PRDM16: variants seen among roughly 807,000 people sequenced by gnomAD.
PRDM16 encodes the protein PR/SET domain 16, also known as histone-lysine N-methyltransferase PRDM16.
In PRDM16, 23 loss-of-function variants were observed where a neutral mutation model predicts 110.6. The observed-to-expected ratio is 0.21, with a 90% CI of 0.15 to 0.29. The LOEUF is 0.29. PRDM16 is among the 10% of genes least tolerant of loss of function. PRDM16 has a pLI of 1.00. For missense variants in PRDM16, 1,615 were observed against 1,794.3 expected, an observed-to-expected ratio of 0.90 and a Z score of 1.81; for synonymous variants, 799 against 781.8, an observed-to-expected ratio of 1.02 and a Z score of -0.37.
At chr1:3,131,003 T>C (rs1384992053) in intron 1 of PRDM16, among the ~76,000 whole-genome samples, 1 of 152,072 alleles carries the variant, frequency 6.6e-6, no homozygotes, top group Admixed American at 6.6e-5. Context: ...GTGTTTATCC[T>C]GACGTGCAGA....
Position 3,431,150 on chromosome 1 carries a change from C to T in PRDM16, c.3521+42C>T, listed in dbSNP as rs528525319. On this transcript the variant is annotated intron_variant, in intron 15 of 16. Transcript: ENST00000270722. ...GCTCCAGGATGGGGCAGGGAGGGAA[C>T]GTGGGCGTCCATCACGAGGGGGACC... 57 of 1,535,344 alleles carry T rather than the reference C, an allele frequency of 3.7e-5. No individual in the cohort carries two copies. In the South Asian group the frequency reaches 4.6e-4, roughly 12 times the overall value.
chr1:3,234,164 C>T (rs1448276825), intron 2 of PRDM16, among the ~76,000 whole-genome samples: 1 of 152,176 alleles, frequency 6.6e-6, no homozygotes, highest in Admixed American at 6.5e-5. Context: ...GTGTTGATTT[C>T]GTCTTCAGGG....
At chr1:3,279,117 G>A (rs1277332263) in intron 3 of PRDM16, among the ~76,000 whole-genome samples, 2 of 152,250 alleles carry the variant, frequency 1.3e-5, no homozygotes, top group African/African-American at 2.4e-5. Flanking sequence ...CAATAGCCAC[G>A]TGGGCAGCTG....
chr1:3,405,525 C>T lies in PRDM16; in HGVS notation c.1063C>T (p.His355Tyr). 6.3e-7 allele frequency: 1 copy of T among 1,599,312 alleles called. No individual in the cohort carries two copies. Among genetic ancestry groups the T allele is most frequent in the Non-Finnish European group, 8.5e-7 (1 of 1,173,136 alleles). ...CACGGACCCCAGCAACCTTCAGCGG[C>T]ACATCCGCTCGCAGCACGTGGGCGC... ...VFTDPSNLQR[H>Y]IRSQHVGARA... Residue 355 changes from histidine to tyrosine, a missense_variant, in exon 8 of 17, where the codon CAC becomes TAC. This residue lies in a region of PRDM16 where 82 missense variants were observed against 144.4 expected (regional missense o/e 0.57). Transcript: ENST00000270722.
chr1:3,114,491 C>T (rs760126288), intron 1 of PRDM16, among the ~76,000 whole-genome samples: 16 of 148,516 alleles, frequency 1.1e-4, no homozygotes, highest in African/African-American at 2.0e-4. Flanking sequence ...CACGCACGCA[C>T]GCACACACGC....
chr1:3,260,338 T>C (rs1640131994), intron 3 of PRDM16, among the ~76,000 whole-genome samples: 1 of 152,158 alleles, frequency 6.6e-6, no homozygotes, highest in African/African-American at 2.4e-5. Context: ...TGAGGGTCTG[T>C]CCACAAGCAC....
intron 1 of PRDM16, chr1:3,132,921 C>T (rs1382629716): frequency 6.6e-6 from 1 of 152,206 alleles, no homozygotes; most frequent in African/African-American, 2.4e-5. Flanking sequence ...TGAATCTGTC[C>T]CAGACTTACA....
rs1347874144 is a variant in PRDM16, at chr1:3,245,548, T to G, written c.438+1411T>G. On this transcript the variant is annotated intron_variant, in intron 3 of 16. Coordinates refer to ENST00000270722, the MANE Select transcript of PRDM16 (RefSeq NM_022114.4). This position sits in a 1 kb window ranked among gnomAD's most constrained non-coding sequence, Gnocchi z 4.7. ...CCCGTGTCCCTCCCCGTCGCTGGTG[T>G]GGCTGTGTCTGGCCTCCTGGGGTCC... 1.3e-5 allele frequency among the ~76,000 whole-genome samples: 2 copies of G among 152,208 alleles called. No individual in the cohort carries two copies. The highest frequency in any genetic ancestry group is 6.5e-5 in the Admixed American group (1 of 15,290).
chr1:3,251,882 T>C (rs1028646274), intron 3 of PRDM16, among the ~76,000 whole-genome samples: 1 of 152,160 alleles, frequency 6.6e-6, no homozygotes. Context: ...CTGGTTAGCC[T>C]CTTCTGCTTT....
At chr1:3,282,452 G>A (rs529393771) in intron 3 of PRDM16, among the ~76,000 whole-genome samples, 1 of 152,194 alleles carries the variant, frequency 6.6e-6, no homozygotes, top group African/African-American at 2.4e-5. Context: ...GGCCAGCGCC[G>A]CAGGGCCCCC....
intron 3 of PRDM16, among the ~76,000 whole-genome samples, chr1:3,357,456 G>T (rs866594801): frequency 6.6e-6 from 1 of 152,048 alleles, no homozygotes; most frequent in African/African-American, 2.4e-5. Flanking sequence ...AGGATGGAGA[G>T]TCTCACCACG....
intron 1 of PRDM16, among the ~76,000 whole-genome samples, chr1:3,129,552 G>A (rs976979285): frequency 3.3e-5 from 5 of 152,146 alleles, no homozygotes; most frequent in Admixed American, 3.3e-4. Flanking sequence ...TGGGAAAGGA[G>A]CCGGGGCAGA....
At chr1:3,232,200 TC>T (rs1227111751) in intron 2 of PRDM16, among the ~76,000 whole-genome samples, 1 of 152,184 alleles carries the variant, frequency 6.6e-6, no homozygotes, top group Non-Finnish European at 1.5e-5. Context: ...CCGATCCATC[TC>T]CCTCACTTCT....
intron 2 of PRDM16, among the ~76,000 whole-genome samples, chr1:3,235,746 TG>T (rs1167888805): frequency 6.6e-6 from 1 of 151,740 alleles, no homozygotes; most frequent in Non-Finnish European, 1.5e-5. Context: ...GGGCGGGGTG[TG>T]GGGGGTCCCT....
chr1:3,164,388 A>T lies in PRDM16; in HGVS notation c.38-21737A>T, dbSNP rs375582057. On this transcript the variant is annotated intron_variant, in intron 1 of 16. Coordinates refer to ENST00000270722, the MANE Select transcript of PRDM16 (RefSeq NM_022114.4). ...ATGTCAGCCGTGACGTTGGGCCGAC[A>T]GCTTCTGGGAACGATTTCCCAGCTC... is the stretch of plus-strand genomic sequence containing the variant. Among the ~76,000 whole-genome samples, 12 of 152,358 alleles carry T rather than the reference A, an allele frequency of 7.9e-5. 1 individual carries two copies. In the East Asian group the frequency reaches 2.1e-3, roughly 27 times the overall value.
intron 1 of PRDM16, among the ~76,000 whole-genome samples, chr1:3,117,854 C>T (rs916671104): frequency 2.0e-5 from 3 of 152,170 alleles, no homozygotes; most frequent in African/African-American, 7.2e-5. Flanking sequence ...CATGTTTCCA[C>T]TTGGAATGCA....
intron 1 of PRDM16, among the ~76,000 whole-genome samples, chr1:3,114,677 C>G (rs747876132): frequency 2.5e-4 from 38 of 152,366 alleles, no homozygotes; most frequent in Non-Finnish European, 3.7e-4. Flanking sequence ...CACACATGCA[C>G]ACATGCACCC....
intron 10 of PRDM16, among the ~76,000 whole-genome samples, chr1:3,417,234 T>C (rs559020662): frequency 1.4e-4 from 21 of 152,224 alleles, no homozygotes; most frequent in Non-Finnish European, 2.2e-4. Flanking sequence ...CCTTTGTGGG[T>C]TTAAGTCTTA....
intron 1 of PRDM16, chr1:3,133,756 G>A (rs1569644984): frequency 6.6e-6 from 1 of 152,364 alleles, no homozygotes; most frequent in East Asian, 1.9e-4. Flanking sequence ...GAGGGAGAAA[G>A]CCCCATGAAG....
Sources: gnomAD v4.1 joint callset for allele counts (sites outside exome capture counted in the v4.1 genomes callset) on GRCh38, gnomAD v4.1.1 for gene constraint, gnomAD v4.1.1 regional missense constraint, Gnocchi (gnomAD v3.1) non-coding constraint, MANE v1.5 for transcripts, NCBI Gene and HGNC (gene_info 2026-07-23, HGNC 2026-07-21) for gene names.